Variants in ZNF827 observed in about 807,000 individuals in gnomAD.
ZNF827 encodes zinc finger protein 827.
ZNF827 carries 13 observed loss-of-function variants against 102.4 expected under a neutral mutation model. The observed-to-expected ratio is 0.13, with a 90% CI of 0.08 to 0.20. The LOEUF is 0.20. Ranked by LOEUF, ZNF827 falls within the 10% of genes least tolerant of loss-of-function variation. The pLI, the probability that ZNF827 is intolerant of heterozygous loss-of-function variation, is 1.00. For missense variants in ZNF827, 1,103 were observed against 1,344.4 expected, an observed-to-expected ratio of 0.82 and a Z score of 2.81; for synonymous variants, 523 against 536.2, an observed-to-expected ratio of 0.98 and a Z score of 0.34.
At chr4:145,931,254 A>G (rs1240470784) in intron 1 of ZNF827, among the ~76,000 whole-genome samples, 3 of 152,240 alleles carry the variant, frequency 2.0e-5, no homozygotes, top group African/African-American at 7.2e-5. Context: ...CATGAACTAT[A>G]AAGTGTTGTA....
intron 8 of ZNF827, among the ~76,000 whole-genome samples, chr4:145,817,214 T>C (rs1345734614): frequency 1.3e-5 from 2 of 152,226 alleles, no homozygotes; most frequent in Non-Finnish European, 2.9e-5. Flanking sequence ...GAACTACTTA[T>C]GGTGACTTTT....
chr4:145,815,380 G>C (rs567521129), intron 8 of ZNF827, among the ~76,000 whole-genome samples: 74 of 152,170 alleles, frequency 4.9e-4, no homozygotes, highest in Non-Finnish European at 9.1e-4. Context: ...CACAATGAAT[G>C]AGAGAGAATA....
At chr4:145,861,891 TGCGACAGGGA>T (rs1747768061) in intron 5 of ZNF827, among the ~76,000 whole-genome samples, 1 of 152,220 alleles carries the variant, frequency 6.6e-6, no homozygotes, top group Non-Finnish European at 1.5e-5. Context: ...TATGCAGCTA[TGCGACAGGGA>T]GATGATAATA....
chr4:145,860,573 C>T (rs1274476976), intron 5 of ZNF827, among the ~76,000 whole-genome samples: 15 of 152,198 alleles, frequency 9.9e-5, no homozygotes. Context: ...TCCCTCCTCT[C>T]TCCAGCTGTG....
intron 1 of ZNF827, among the ~76,000 whole-genome samples, chr4:145,908,769 C>T (rs150863581): frequency 1.3e-5 from 2 of 152,300 alleles, no homozygotes; most frequent in Admixed American, 6.5e-5. Context: ...CAGTCTCTGG[C>T]ATAAAAGTTT....
rs1376397098 is a variant in ZNF827, at chr4:145,774,634, T to A, written c.2732A>T (p.Gln911Leu). Residue 911 changes from glutamine (Q) to leucine (L), a missense_variant, in exon 11 of 15, where the codon CAG (glutamine) becomes CTG (leucine). Physicochemically the swap from Gln to Leu is moderately radical, Grantham distance 113. This residue lies in a region of ZNF827 where 242 missense variants were observed against 361.9 expected (regional missense o/e 0.67). Transcript: ENST00000508784. The stretch of plus-strand genomic sequence containing the variant: ...GTGGAGTGACATGTGGCTGACAAAC[T>A]GGACATTGAGCTCGGTCTCAAATCC... ...VCGFETELNV[Q>L]FVSHMSLHVD... The A allele has an allele frequency of 6.2e-7, 1 of 1,613,860 alleles. No homozygotes were observed. Among genetic ancestry groups the A allele is most frequent in the Non-Finnish European group, 8.5e-7 (1 of 1,179,954 alleles).
chr4:145,762,042 C>G lies in ZNF827; in HGVS notation c.*18-444G>C, dbSNP rs1490205857. 6.6e-6 allele frequency among the ~76,000 whole-genome samples: 1 copy of G among 152,108 alleles called. No homozygotes were observed. The highest frequency in any genetic ancestry group is 2.4e-5 in the African/African-American group (1 of 41,422). ...AGAATCGACTTTTCATGCACCACACCAAGCACACGCAGAAAGGCTAAGAGG... is the reference window on the plus strand; with the variant it reads ...AGAATCGACTTTTCATGCACCACACGAAGCACACGCAGAAAGGCTAAGAGG... On this transcript the variant is annotated intron_variant, in intron 14 of 14. Coordinates refer to ENST00000508784, the MANE Select transcript of ZNF827 (RefSeq NM_001306215.2). The surrounding 1 kb of genome is among the most constrained non-coding windows in gnomAD (Gnocchi z 4.9).
intron 7 of ZNF827, among the ~76,000 whole-genome samples, chr4:145,845,461 C>A (rs1008650183): frequency 2.6e-5 from 4 of 152,146 alleles, no homozygotes; most frequent in Non-Finnish European, 5.9e-5. Flanking sequence ...CCTTTAAAAT[C>A]TTTGCCTTCC....
At chr4:145,774,812 A>G (rs1736805472) in intron 10 of ZNF827, 140 bp from the exon 11 acceptor site, 1 of 1,002,726 alleles carries the variant, frequency 1.0e-6, no homozygotes, top group Non-Finnish European at 1.4e-6. Context: ...AAGGTTTTGC[A>G]TTAGAAAATT....
chr4:145,897,103 A>G (rs1320945361), intron 2 of ZNF827, among the ~76,000 whole-genome samples: 2 of 152,214 alleles, frequency 1.3e-5, no homozygotes, highest in African/African-American at 2.4e-5. Flanking sequence ...GTATGCTGAG[A>G]AGTCTCTCTA....
At chr4:145,772,195 A>G (rs1238890506) in intron 11 of ZNF827, among the ~76,000 whole-genome samples, 1 of 152,184 alleles carries the variant, frequency 6.6e-6, no homozygotes, top group Non-Finnish European at 1.5e-5. Flanking sequence ...GCACACAAAT[A>G]TATTCATTCA....
intron 7 of ZNF827, among the ~76,000 whole-genome samples, chr4:145,844,722 AAAT>A (rs1276071951): frequency 6.2e-5 from 8 of 128,620 alleles, no homozygotes; most frequent in Non-Finnish European, 9.9e-5. Context: ...ATAAATAAAT[AAAT>A]AAATAAAATA....
At chr4:145,836,257 A>G (rs200784875) in intron 7 of ZNF827, among the ~76,000 whole-genome samples, 39,160 of 135,474 alleles carry the variant, frequency 0.29, 5,177 homozygotes, top group Non-Finnish European at 0.3. Flanking sequence ...AGCACCTTCT[A>G]CAAAACAACT....
intron 8 of ZNF827, among the ~76,000 whole-genome samples, chr4:145,795,287 AC>A (rs1216123101): frequency 6.6e-6 from 1 of 152,160 alleles, no homozygotes; most frequent in East Asian, 1.9e-4. Flanking sequence ...AGCTGGGATT[AC>A]AAAGCACCCA....
intron 7 of ZNF827, chr4:145,834,942 A>T (rs898895021): frequency 6.6e-6 from 1 of 152,204 alleles, no homozygotes; most frequent in Non-Finnish European, 1.5e-5. Flanking sequence ...CATCTCCAGC[A>T]CATAAGAACT....
At chr4:145,841,048 C>T (rs1442858650) in intron 7 of ZNF827, among the ~76,000 whole-genome samples, 1 of 152,190 alleles carries the variant, frequency 6.6e-6, no homozygotes, top group Non-Finnish European at 1.5e-5. Flanking sequence ...GCAAACTCTT[C>T]CTTGCTTTTG....
chr4:145,812,543 T>A (rs1290663316), intron 8 of ZNF827, among the ~76,000 whole-genome samples: 1 of 136,148 alleles, frequency 7.3e-6, no homozygotes, highest in African/African-American at 2.7e-5. Context: ...TTATTTATTT[T>A]TTGAGATGGT....
Position 145,823,492 on chromosome 4 carries a change from T to C in ZNF827, c.2313A>G (p.Ser771=), listed in dbSNP as rs1323113451. 22 of 1,610,642 alleles carry C rather than the reference T, an allele frequency of 1.4e-5. No homozygotes were observed. The East Asian group carries it at 4.5e-4, about 33-fold the overall frequency. ...GTTCTTTTGAATTGGAGGTGAATGGTGATTGTCTAAATGTGTCTTCTGAAA... is the reference window on the plus strand; with the variant it reads ...GTTCTTTTGAATTGGAGGTGAATGGCGATTGTCTAAATGTGTCTTCTGAAA... The part of the protein sequence containing the change: ...PFFSEDTFRQ[S]PFTSNSKELL... Residue 771 remains serine (S), a synonymous_variant, in exon 8 of 15, where the codon TCA becomes TCG. Coordinates refer to ENST00000508784, the MANE Select transcript of ZNF827 (RefSeq NM_001306215.2).
chr4:145,889,583 T>C (rs1171840572), intron 3 of ZNF827, among the ~76,000 whole-genome samples: 1 of 148,606 alleles, frequency 6.7e-6, no homozygotes, highest in African/African-American at 2.5e-5. Flanking sequence ...AGACGGAGTC[T>C]AGCTCTGTCG....
Sources: gnomAD v4.1 joint callset for allele counts (sites outside exome capture counted in the v4.1 genomes callset) on GRCh38, gnomAD v4.1.1 for gene constraint, gnomAD v4.1.1 regional missense constraint, Gnocchi (gnomAD v3.1) non-coding constraint, MANE v1.5 for transcripts, NCBI Gene and HGNC (gene_info 2026-07-23, HGNC 2026-07-21) for gene names.